The following MROH1 variants were observed in gnomAD, a reference collection of about 807,000 sequenced individuals.
The protein encoded by MROH1 is maestro heat like repeat family member 1.
In MROH1, 117 loss-of-function variants were observed where a neutral mutation model predicts 116.5. The ratio of observed to expected loss-of-function variants is 1.00; its 90% CI spans 0.86 to 1.17. The LOEUF is 1.17. MROH1 is among the 50% of genes most tolerant of loss of function. The pLI is 0.00. For synonymous variants in MROH1, 921 were observed against 583.9 expected (o/e 1.58, Z -8.32); for missense variants, 1,873 against 1,338.5 (o/e 1.40, Z -6.23).
chr8:144,190,019 G>A (rs1828159521), intron 7 of MROH1, among the ~76,000 whole-genome samples: 1 of 152,176 alleles, frequency 6.6e-6, no homozygotes, highest in South Asian at 2.1e-4. Context: ...GGCAGGATTG[G>A]TTCCTTCTTG....
At chr8:144,238,536 C>T (rs1840429288) in intron 14 of MROH1, among the ~76,000 whole-genome samples, 2 of 152,362 alleles carry the variant, frequency 1.3e-5, no homozygotes, top group African/African-American at 4.8e-5. Flanking sequence ...TTAGCAAATG[C>T]TCAAGGTTTT....
rs567590683 is a variant in MROH1, at chr8:144,190,875, C to T, written c.654C>T (p.Thr218=). The T allele has an allele frequency of 1.4e-4, 228 of 1,613,814 alleles. No individual in the cohort carries two copies. The East Asian group carries it at 1.8e-3, about 13-fold the overall frequency. Residue 218 remains threonine (T), a synonymous_variant, in exon 8 of 44, where the codon ACC becomes ACT. Coordinates refer to ENST00000326134, the MANE Select transcript of MROH1 (RefSeq NM_032450.3). Reference sequence around the variant, plus strand: ...CGGTCAGGAAGGACGCCTTTGCCACCGACATCTTCAGCGCCTACGATGTTC... The same window carrying T: ...CGGTCAGGAAGGACGCCTTTGCCACTGACATCTTCAGCGCCTACGATGTTC... ...DPTVRKDAFA[T]DIFSAYDVLF...
intron 29 of MROH1, among the ~76,000 whole-genome samples, chr8:144,246,989 G>A (rs1048415103): frequency 1.2e-3 from 176 of 152,378 alleles, no homozygotes; most frequent in African/African-American, 3.8e-3. Flanking sequence ...CCAGTTGTCC[G>A]TCTGCCTGCA....
chr8:144,260,666 G>C lies in MROH1; in HGVS notation c.4381-11G>C. On this transcript the variant is annotated splice_polypyrimidine_tract_variant and intron_variant, in intron 39 of 43. Transcript: ENST00000326134. ...GCCTGTGAGGAGACGTATGCTGCAT[G>C]TCCTTCCCAGGAGAAGATGGAGTTC... 1.3e-6 allele frequency: 1 copy of C among 778,358 alleles called. No individual in the cohort carries two copies. 48.2% of individuals were successfully genotyped at this position (778,358 alleles called of 1,614,324 possible). A position where few individuals can be genotyped will look rare whatever the true frequency, so the allele number is the denominator to read the frequency against.
chr8:144,249,965 C>T (rs1842577491), intron 32 of MROH1, among the ~76,000 whole-genome samples: 3 of 152,330 alleles, frequency 2.0e-5, no homozygotes, highest in East Asian at 1.9e-4. Context: ...GTGCCCTTGG[C>T]GCTTCCTCTA....
At chr8:144,234,889 T>C (rs1438229471) in intron 14 of MROH1, among the ~76,000 whole-genome samples, 1 of 108,534 alleles carries the variant, frequency 9.2e-6, no homozygotes, top group Non-Finnish European at 1.9e-5. Context: ...TCCTTTTTCT[T>C]TCTTTTTTTT....
chr8:144,206,200 C>T (rs1815762911), intron 12 of MROH1, among the ~76,000 whole-genome samples: 1 of 151,960 alleles, frequency 6.6e-6, no homozygotes. Context: ...CAGGAGTGTA[C>T]CCGGCCCACC....
chr8:144,186,752 A>C (rs376128653), intron 7 of MROH1, among the ~76,000 whole-genome samples: 1 of 152,216 alleles, frequency 6.6e-6, no homozygotes. Context: ...ACTGATCGAC[A>C]TAAGAAGGGA....
At chr8:144,186,117 C>T (rs1307500939) in intron 7 of MROH1, among the ~76,000 whole-genome samples, 2 of 110,762 alleles carry the variant, frequency 1.8e-5, no homozygotes, top group Non-Finnish European at 3.7e-5. Flanking sequence ...AGGACAGTTT[C>T]CAATTTTTTT....
At chr8:144,223,031 A>C in intron 13 of MROH1, 77 bp from the exon 14 acceptor site, 1 of 1,583,694 alleles carries the variant, frequency 6.3e-7, no homozygotes, top group South Asian at 1.1e-5. Flanking sequence ...AGGAAGACTG[A>C]GGTTCCTCTC....
intron 34 of MROH1, 96 bp from the exon 35 acceptor site, chr8:144,255,413 G>C (rs1347514660): frequency 1.9e-4 from 133 of 708,112 alleles, no homozygotes; most frequent in African/African-American, 1.7e-3. Context: ...CCGAGCACAT[G>C]ATGCAGGCGA....
At chr8:144,202,335 G>A (rs1831377771) in intron 12 of MROH1, among the ~76,000 whole-genome samples, 1 of 151,000 alleles carries the variant, frequency 6.6e-6, no homozygotes, top group African/African-American at 2.4e-5. Flanking sequence ...TGGAGGGGCA[G>A]GGAGGGAAGT....
In MROH1 at chr8:144,244,253, C is replaced by A; in HGVS notation, c.2587C>A (p.Arg863=). ...GGAGCCAGCGCTGGACGAGCAGGCC[C>A]GGGCGGATGTGATCCATGGCTGCCT... is the stretch of plus-strand genomic sequence containing the variant. ...SVEPALDEQA[R]ADVIHGCLHS... Residue 863 remains arginine (R), a synonymous_variant, in exon 27 of 44, where the codon CGG becomes AGG. Transcript: ENST00000326134. The A allele has an allele frequency of 1.4e-6, 1 of 718,318 alleles. No individual in the cohort carries two copies. Among genetic ancestry groups the A allele is most frequent in the South Asian group, 1.5e-5 (1 of 67,586 alleles). The allele number at this position is 718,318 out of a possible 1,614,324, so 44.5% of individuals were successfully genotyped here. A position where few individuals can be genotyped will look rare whatever the true frequency, so the allele number is the denominator to read the frequency against.
intron 1 of MROH1, among the ~76,000 whole-genome samples, chr8:144,150,528 G>A (rs1287258475): frequency 1.3e-5 from 2 of 152,318 alleles, no homozygotes; most frequent in African/African-American, 2.4e-5. Context: ...CACCAGCACC[G>A]AGTAGCCCCT....
chr8:144,159,823 A>C (rs1819071669), intron 1 of MROH1, among the ~76,000 whole-genome samples: 1 of 138,904 alleles, frequency 7.2e-6, no homozygotes, highest in Non-Finnish European at 1.5e-5. Flanking sequence ...GCTGGAGTGC[A>C]GTGGTGCGAT....
intron 7 of MROH1, among the ~76,000 whole-genome samples, chr8:144,181,831 C>A (rs913067315): frequency 2.0e-5 from 3 of 152,114 alleles, no homozygotes; most frequent in African/African-American, 7.2e-5. Context: ...GCACGCACAT[C>A]GCCCCTTCCC....
Position 144,201,870 on chromosome 8 carries a change from A to C in MROH1, c.1141+1329A>C, listed in dbSNP as rs535820125. Among the ~76,000 whole-genome samples the C allele has an allele frequency of 1.6e-3, 242 of 152,178 alleles. 1 individual carries two copies. Among genetic ancestry groups the C allele is most frequent in the African/African-American group, 5.7e-3 (235 of 41,532 alleles). On this transcript the variant is annotated intron_variant, in intron 12 of 43. Transcript: ENST00000326134. ...TCTACTAAAAATATATATTAAAAAA[A>C]ATTAGCCTGGCGTGGTGGCGGGCGC...
chr8:144,221,555 G>A (rs564431847), intron 13 of MROH1, among the ~76,000 whole-genome samples: 1 of 152,176 alleles, frequency 6.6e-6, no homozygotes, highest in South Asian at 2.1e-4. Context: ...CTCCTCTTGA[G>A]GTCCTTCTGT....
intron 7 of MROH1, among the ~76,000 whole-genome samples, chr8:144,188,007 G>C (rs1827625982): frequency 6.6e-6 from 1 of 152,218 alleles, no homozygotes; most frequent in Non-Finnish European, 1.5e-5. Flanking sequence ...CGAGAAAAGG[G>C]TGTGAAACAG....
Sources: gnomAD v4.1 joint callset for allele counts (sites outside exome capture counted in the v4.1 genomes callset) on GRCh38, gnomAD v4.1.1 for gene constraint, MANE v1.5 for transcripts, NCBI Gene and HGNC (gene_info 2026-07-23, HGNC 2026-07-21) for gene names.